Variants in QTMAN observed in about 807,000 individuals in gnomAD.
QTMAN encodes the protein tRNA-queuosine alpha-mannosyltransferase.
chr2:144,106,330 GA>G, the QTMAN span, among the ~76,000 whole-genome samples: 2 of 152,242 alleles, frequency 1.3e-5, no homozygotes, highest in South Asian at 4.2e-4. Context: ...AAAGAGTCAA[GA>G]CCCATCAGTG....
chr2:144,155,547 C>T, the QTMAN span, among the ~76,000 whole-genome samples: 1 of 152,136 alleles, frequency 6.6e-6, no homozygotes, highest in Non-Finnish European at 1.5e-5. Flanking sequence ...TTATTTCATG[C>T]CACTCATGAG....
At chr2:143,966,589 G>A in the QTMAN span, among the ~76,000 whole-genome samples, 3 of 152,200 alleles carry the variant, frequency 2.0e-5, no homozygotes, top group Non-Finnish European at 2.9e-5. Flanking sequence ...ACTATCTACT[G>A]CCCATCTCAC....
chr2:144,110,350 T>A, the QTMAN span, among the ~76,000 whole-genome samples: 4 of 151,860 alleles, frequency 2.6e-5, no homozygotes, highest in South Asian at 4.2e-4. Context: ...ATGAGAACAC[T>A]TGGACACAGG....
the QTMAN span, among the ~76,000 whole-genome samples, chr2:144,186,641 C>G: frequency 2.0e-5 from 3 of 152,202 alleles, no homozygotes; most frequent in Non-Finnish European, 2.9e-5. Context: ...GATGATTGAG[C>G]CTGTTTCTAT....
At chr2:144,075,596 T>G in the QTMAN span, among the ~76,000 whole-genome samples, 1 of 152,244 alleles carries the variant, frequency 6.6e-6, no homozygotes, top group Non-Finnish European at 1.5e-5. Context: ...TAGGACTCTA[T>G]AAACTGTGTT....
the QTMAN span, among the ~76,000 whole-genome samples, chr2:144,266,461 A>C: frequency 1.3e-5 from 2 of 152,190 alleles, no homozygotes; most frequent in African/African-American, 2.4e-5. Flanking sequence ...TTCTTTACCT[A>C]TAGATACAAC....
At chr2:144,054,923 C>T in the QTMAN span, among the ~76,000 whole-genome samples, 1 of 152,154 alleles carries the variant, frequency 6.6e-6, no homozygotes, top group Non-Finnish European at 1.5e-5. Flanking sequence ...AAATAATATG[C>T]ACTTTAAAGA....
At chr2:143,999,088 T>A in the QTMAN span, among the ~76,000 whole-genome samples, 4 of 151,944 alleles carry the variant, frequency 2.6e-5, no homozygotes, top group African/African-American at 9.7e-5. Context: ...TGGAAAAAAT[T>A]CCCCCTAAAC....
chr2:144,242,960 TAAAAAAAA>T, the QTMAN span, among the ~76,000 whole-genome samples: 14 of 77,806 alleles, frequency 1.8e-4, no homozygotes, highest in African/African-American at 7.5e-4. Context: ...AGACTCTACT[TAAAAAAAA>T]AAAAAAAAAA....
At chr2:143,979,965 T>C in the QTMAN span, among the ~76,000 whole-genome samples, 3 of 152,208 alleles carry the variant, frequency 2.0e-5, no homozygotes, top group Non-Finnish European at 4.4e-5. Flanking sequence ...CCTATTGTGT[T>C]GATCCTCCTC....
the QTMAN span, among the ~76,000 whole-genome samples, chr2:144,218,228 A>G: frequency 1.3e-5 from 2 of 152,234 alleles, no homozygotes; most frequent in African/African-American, 4.8e-5. Flanking sequence ...TTGTATTACC[A>G]TGTAAATATA....
chr2:143,988,407 T>C, the QTMAN span, among the ~76,000 whole-genome samples: 11 of 152,190 alleles, frequency 7.2e-5, no homozygotes, highest in African/African-American at 2.7e-4. Flanking sequence ...TGTGGCCATA[T>C]GCCATTTGAG....
At chr2:143,996,408 T>C in the QTMAN span, among the ~76,000 whole-genome samples, 17 of 152,094 alleles carry the variant, frequency 1.1e-4, no homozygotes, top group African/African-American at 4.1e-4. Context: ...GTGGTCTGTG[T>C]TCCTAAGAAA....
At chr2:144,090,041 A>C in the QTMAN span, among the ~76,000 whole-genome samples, 1 of 152,084 alleles carries the variant, frequency 6.6e-6, no homozygotes, top group South Asian at 2.1e-4. Context: ...CGGGAATGAA[A>C]GGATAGTTAA....
At chr2:144,179,395 C>T in the QTMAN span, among the ~76,000 whole-genome samples, 5 of 152,122 alleles carry the variant, frequency 3.3e-5, no homozygotes, top group African/African-American at 9.7e-5. Flanking sequence ...TATTCACTGC[C>T]ACTTTCTATG....
the QTMAN span, among the ~76,000 whole-genome samples, chr2:144,109,337 G>C: frequency 6.6e-6 from 1 of 152,200 alleles, no homozygotes; most frequent in Non-Finnish European, 1.5e-5. Flanking sequence ...AAACTGGCTA[G>C]CCATATGTAG....
At chr2:144,305,065 T>C in the QTMAN span, among the ~76,000 whole-genome samples, 1 of 152,188 alleles carries the variant, frequency 6.6e-6, no homozygotes, top group African/African-American at 2.4e-5. Flanking sequence ...TTTCACTTTA[T>C]TTTTGATAGT....
the QTMAN span, among the ~76,000 whole-genome samples, chr2:144,203,016 T>A: frequency 6.6e-6 from 1 of 152,086 alleles, no homozygotes; most frequent in Non-Finnish European, 1.5e-5. Flanking sequence ...AAAACTTTGT[T>A]CCCCTTCTAA....
the QTMAN span, among the ~76,000 whole-genome samples, chr2:143,993,530 G>A: frequency 2.6e-5 from 4 of 152,116 alleles, no homozygotes; most frequent in Non-Finnish European, 5.9e-5. Context: ...GAAGCACAGG[G>A]AGATTTGACA....
Sources: allele counts gnomAD v4.1 joint callset (sites outside exome capture counted in the v4.1 genomes callset), GRCh38; gene constraint gnomAD v4.1.1; transcripts MANE v1.5; gene names NCBI Gene and HGNC (gene_info 2026-07-23, HGNC 2026-07-21).